Variants in RNF149 observed in about 807,000 individuals in gnomAD.
The protein encoded by RNF149 is E3 ubiquitin-protein ligase RNF149.
Under a neutral mutation model 39.0 loss-of-function variants are expected in RNF149, and 21 were observed. The ratio of observed to expected loss-of-function variants is 0.54; its 90% confidence interval spans 0.38 to 0.77. The LOEUF (loss-of-function observed/expected upper bound fraction) is 0.77. Among genes scored for constraint, RNF149 ranks in the 30% least tolerant of loss-of-function variants. The probability of loss-of-function intolerance (pLI) is 0.00; values close to 1 mark genes in which losing one functional copy is unlikely to be tolerated. For missense variants in RNF149, 493 were observed against 534.9 expected (o/e 0.92, Z 0.77); for synonymous variants, 209 against 213.6 (o/e 0.98, Z 0.19).
At chr2:101,296,164 T>C (rs1683225232) in intron 1 of RNF149, among the ~76,000 whole-genome samples, 1 of 152,048 alleles carries the variant, frequency 6.6e-6, no homozygotes, top group South Asian at 2.1e-4. Context: ...CACTTATGAG[T>C]ACTAATACAT....
intron 1 of RNF149, among the ~76,000 whole-genome samples, chr2:101,296,654 T>C (rs1446698262): frequency 1.3e-5 from 2 of 152,086 alleles, no homozygotes; most frequent in Non-Finnish European, 2.9e-5. Context: ...GTATCATCAG[T>C]GCGGCGGGTC....
At chr2:101,292,153 G>A (rs1256000876) in intron 3 of RNF149, among the ~76,000 whole-genome samples, 1 of 152,128 alleles carries the variant, frequency 6.6e-6, no homozygotes, top group African/African-American at 2.4e-5. Context: ...TTGAAGTATG[G>A]TTTCTACTGA....
chr2:101,280,382 T>G (rs945588928), intron 6 of RNF149, among the ~76,000 whole-genome samples: 5 of 152,042 alleles, frequency 3.3e-5, no homozygotes, highest in Non-Finnish European at 7.4e-5. Context: ...AAAAACAGAT[T>G]AGTTAAATCT....
intron 3 of RNF149, among the ~76,000 whole-genome samples, chr2:101,291,239 C>A (rs1054635278): frequency 3.3e-5 from 5 of 152,144 alleles, no homozygotes; most frequent in Admixed American, 3.3e-4. Flanking sequence ...CAACCTCCAC[C>A]TCCTGGGTTC....
chr2:101,294,271 A>T, intron 2 of RNF149, 189 bp from the exon 3 acceptor site: 1 of 463,924 alleles, frequency 2.2e-6, no homozygotes, highest in Non-Finnish European at 3.9e-6. Context: ...ACTTCATAAA[A>T]AAGCCCCCTA....
In RNF149 at chr2:101,288,721, C is replaced by T. The variant is rs116616929; in HGVS notation, c.863+252G>A. On this transcript the variant is annotated intron_variant, in intron 4 of 6. Transcript: ENST00000295317. ...TTCCTAGGATTCTGATAAAGCCTTG[C>T]TTAGAAGACTAAAAGTCAATCTACG... 1.4e-3 allele frequency: 506 copies of T among 365,560 alleles called. 5 individuals are homozygous for T. Among genetic ancestry groups the T allele is most frequent in the African/African-American group, 0.01 (479 of 46,694 alleles). 22.6% of individuals were successfully genotyped at this position (365,560 alleles called of 1,614,324 possible). A position where few individuals can be genotyped will look rare whatever the true frequency, so the allele number is the denominator to read the frequency against.
rs190246147 is a variant in RNF149 at position 101,300,864 on chromosome 2, T to G, written c.461-5683A>C. Among the ~76,000 whole-genome samples the G allele has an allele frequency of 1.6e-4, 24 of 152,324 alleles. No homozygotes were observed. In the East Asian group the frequency reaches 4.6e-3, roughly 29 times the overall value. Reference sequence around the variant, plus strand: ...AAACATGCTAGTTCAGGGGTCAGTATGTGCACAACTGCAAGGGGTGCCAGG... The same window carrying G: ...AAACATGCTAGTTCAGGGGTCAGTAGGTGCACAACTGCAAGGGGTGCCAGG... On this transcript the variant is annotated intron_variant, in intron 1 of 6. Transcript: ENST00000295317.
At chr2:101,295,591 G>A (rs1683197208) in intron 1 of RNF149, among the ~76,000 whole-genome samples, 1 of 151,534 alleles carries the variant, frequency 6.6e-6, no homozygotes. Context: ...AACCTGGGAA[G>A]CGGAGGTTGC....
In RNF149 at chr2:101,294,061, TCTTA is replaced by T; in HGVS notation, c.729_732del (p.Lys245LeufsTer10). On this transcript the variant is annotated frameshift_variant, in exon 3 of 7. Coordinates refer to ENST00000295317, the MANE Select transcript of RNF149 (RefSeq NM_173647.4). LOFTEE classifies it high-confidence loss of function. ...TGAAGTAGAAGCTGGCCAATAACTT[TCTTA>T]GTTTCTTTTCTATGGCTCTTGGGTA... 2 of 1,575,528 alleles carry T rather than the reference TCTTA, an allele frequency of 1.3e-6. No homozygotes were observed. Among genetic ancestry groups the T allele is most frequent in the Non-Finnish European group, 1.7e-6 (2 of 1,146,346 alleles).
chr2:101,280,120 G>A (rs1242140596), intron 6 of RNF149, among the ~76,000 whole-genome samples: 2 of 151,804 alleles, frequency 1.3e-5, no homozygotes, highest in Non-Finnish European at 2.9e-5. Flanking sequence ...AGGCTGCAGT[G>A]AGCTGAGATC....
intron 2 of RNF149, chr2:101,294,520 A>G: frequency 5.0e-6 from 1 of 198,116 alleles, no homozygotes; most frequent in South Asian, 9.4e-5. Context: ...CCACAATGAC[A>G]GAAATAAGTG....
intron 1 of RNF149, among the ~76,000 whole-genome samples, chr2:101,297,921 T>C (rs187707636): frequency 1.6e-4 from 24 of 152,308 alleles, no homozygotes; most frequent in Non-Finnish European, 2.9e-4. Context: ...TCCTGTAAGA[T>C]TGGCAAAGAT....
chr2:101,306,535 C>T (rs561022068), intron 1 of RNF149, among the ~76,000 whole-genome samples: 2 of 152,204 alleles, frequency 1.3e-5, no homozygotes, highest in Admixed American at 1.3e-4. Context: ...CTTTCTGCTG[C>T]GACTGAGGAA....
downstream of RNF149, chr2:101,272,729 G>C (rs1682173267): frequency 2.9e-6 from 1 of 347,630 alleles, no homozygotes; most frequent in Admixed American, 3.8e-5. Flanking sequence ...AGCCTTCATT[G>C]AGCAAATAAA....
At chr2:101,273,186 C>T, downstream of RNF149, 1 of 1,211,866 alleles carries the variant, frequency 8.3e-7, no homozygotes, top group Non-Finnish European at 1.1e-6. Context: ...CTGGGAAACC[C>T]AGAACGCCAG....
At chr2:101,307,977 C>T in intron 1 of RNF149, 152 bp downstream of exon 1, 1 of 1,426,262 alleles carries the variant, frequency 7.0e-7, no homozygotes, top group Non-Finnish European at 9.1e-7. Flanking sequence ...CCGCACCGAG[C>T]AAACGAGGGC....
At position 101,282,515 on chromosome 2, in the gene RNF149, T is replaced by C. The variant is rs185449143; in HGVS notation, c.961-458A>G. Among the ~76,000 whole-genome samples the C allele has an allele frequency of 3.3e-5, 5 of 152,280 alleles. No individual in the cohort carries two copies. In the East Asian group the frequency reaches 9.6e-4, roughly 29 times the overall value. ...AAAAGTTACTCTGGCTCCTTCCGTA[T>C]GGACAGGGTGTTGATCAGCTGTAGT... On this transcript the variant is annotated intron_variant, in intron 5 of 6. Transcript: ENST00000295317.
At chr2:101,274,001 A>G (rs1241270935), downstream of RNF149, among the ~76,000 whole-genome samples, 1 of 151,952 alleles carries the variant, frequency 6.6e-6, no homozygotes, top group Non-Finnish European at 1.5e-5. Flanking sequence ...TTAAGAAATC[A>G]CACTTCTGTA....
chr2:101,273,036 C>T (rs886428742), downstream of RNF149: 10 of 1,353,948 alleles, frequency 7.4e-6, no homozygotes, highest in Non-Finnish European at 8.8e-6. Flanking sequence ...CTTTTCTTGT[C>T]ATCATTCCTC....
Sources: allele counts gnomAD v4.1 joint callset (sites outside exome capture counted in the v4.1 genomes callset), GRCh38; gene constraint gnomAD v4.1.1; transcripts MANE v1.5; gene names NCBI Gene and HGNC (gene_info 2026-07-23, HGNC 2026-07-21).